Variants in GJC2 observed in about 807,000 individuals in gnomAD.
GJC2 encodes the protein gap junction gamma-2 protein.
For synonymous variants in GJC2, 336 were observed against 307.5 expected (o/e 1.09, Z -0.97); for missense variants, 647 against 648.9 (o/e 1.00, Z 0.03).
In GJC2 at chr1:228,151,430, G is replaced by A. The variant is rs1441826066; in HGVS notation, c.-20+1423G>A. Among the ~76,000 whole-genome samples the A allele has an allele frequency of 2.0e-5, 3 of 152,038 alleles. No individual in the cohort carries two copies. Among genetic ancestry groups the A allele is most frequent in the East Asian group, 1.9e-4 (1 of 5,186 alleles). ...GGGCAGGCACTTGGGGTCTTGGTGG[G>A]GGCACCTTGCTTTCCTGGGCCTGGT... On this transcript the variant is annotated intron_variant, in intron 1 of 1. Transcript: ENST00000366714. The surrounding 1 kb of genome is among the most constrained non-coding windows in gnomAD (Gnocchi z 5.4).
At position 228,157,750 on chromosome 1, in the gene GJC2, C is replaced by T; in HGVS notation, c.-9C>T. On this transcript the variant is annotated 5_prime_UTR_variant, in exon 2 of 2. Transcript: ENST00000366714. ...TACCCCGCCCCACAGGACCCGCCCGCCCGCCCCTATGACCAACATGAGCTG... is the reference window on the plus strand; with the variant it reads ...TACCCCGCCCCACAGGACCCGCCCGTCCGCCCCTATGACCAACATGAGCTG... 3 of 430,576 alleles carry T rather than the reference C, an allele frequency of 7.0e-6. No homozygotes were observed. The highest frequency in any genetic ancestry group is 1.4e-5 in the Non-Finnish European group (3 of 212,706). 26.7% of individuals were successfully genotyped at this position (430,576 alleles called of 1,614,324 possible).
rs929692402 is a variant in GJC2, at chr1:228,152,370, G to A, written c.-20+2363G>A. On this transcript the variant is annotated intron_variant, in intron 1 of 1. Transcript: ENST00000366714. The surrounding 1 kb of genome is among the most constrained non-coding windows in gnomAD (Gnocchi z 7.3). The stretch of plus-strand genomic sequence containing the variant: ...CCCTGTGCTACACCCAGCAGGGCGG[G>A]GCTCGTTCTGCAGTGCCTCAGGACC... 6.6e-6 allele frequency among the ~76,000 whole-genome samples: 1 copy of A among 152,116 alleles called. No homozygotes were observed. Among genetic ancestry groups the A allele is most frequent in the Admixed American group, 6.5e-5 (1 of 15,278 alleles).
In GJC2 at chr1:228,152,660, C is replaced by A. The variant is rs2034631654; in HGVS notation, c.-20+2653C>A. 6.6e-6 allele frequency among the ~76,000 whole-genome samples: 1 copy of A among 151,756 alleles called. No homozygotes were observed. Among genetic ancestry groups the A allele is most frequent in the African/African-American group, 2.4e-5 (1 of 41,304 alleles). On this transcript the variant is annotated intron_variant, in intron 1 of 1. Coordinates refer to ENST00000366714, the MANE Select transcript of GJC2 (RefSeq NM_020435.4). The surrounding 1 kb of genome is among the most constrained non-coding windows in gnomAD (Gnocchi z 7.3). The stretch of plus-strand genomic sequence containing the variant: ...AGCCCCCGATGCCACCAGGGCGAGA[C>A]CGCCCCCACTGTGAAGCCCCCTTTC...
rs141093786 is a variant in GJC2, at chr1:228,157,312, T to A, written c.-19-428T>A. Among the ~76,000 whole-genome samples the A allele has an allele frequency of 3.0e-3, 447 of 150,632 alleles. 6 individuals carry two copies. Among genetic ancestry groups the A allele is most frequent in the African/African-American group, 0.011 (437 of 40,836 alleles). ...GTGAAGGACTGAGGGCTGATGGGGC[T>A]GCAGGGGCTTGGGGGCTAGGGAGCT... On this transcript the variant is annotated intron_variant, in intron 1 of 1. Transcript: ENST00000366714.
Position 228,159,255 on chromosome 1 carries a change from T to G in GJC2, c.*177T>G. The G allele has an allele frequency of 1.4e-6, 1 of 717,676 alleles. No homozygotes were observed. The highest frequency in any genetic ancestry group is 2.3e-6 in the Non-Finnish European group (1 of 432,598). 44.5% of individuals were successfully genotyped at this position (717,676 alleles called of 1,614,324 possible). A position where few individuals can be genotyped will look rare whatever the true frequency, so the allele number is the denominator to read the frequency against. On this transcript the variant is annotated 3_prime_UTR_variant, in exon 2 of 2. Transcript: ENST00000366714. The surrounding 1 kb of genome is among the most constrained non-coding windows in gnomAD (Gnocchi z 4.0). ...AAAGCGGCAGAGGAGTGCCCTGGCT[T>G]GGTCACCACTGGGGCCAAGGTGGGG...
At chr1:228,157,636 G>A in intron 1 of GJC2, 104 bp from the exon 2 acceptor site, 1 of 658,348 alleles carries the variant, frequency 1.5e-6, no homozygotes. Flanking sequence ...CATTGACTGT[G>A]TAAGCAGAGA....
Position 228,159,118 on chromosome 1 carries a change from TG to T in GJC2, c.*46del, listed in dbSNP as rs1245933292. 6.2e-7 allele frequency: 1 copy of T among 1,603,372 alleles called. No individual in the cohort carries two copies. Among genetic ancestry groups the T allele is most frequent in the Admixed American group, 1.7e-5 (1 of 59,734 alleles). ...GAGCTGGGCCAGGGAGGAGGAGGGT[TG>T]GGGGGCTCCGGTGGAAACCTGCGAC... On this transcript the variant is annotated 3_prime_UTR_variant, in exon 2 of 2. Transcript: ENST00000366714. The surrounding 1 kb of genome is among the most constrained non-coding windows in gnomAD (Gnocchi z 4.0).
intron 1 of GJC2, among the ~76,000 whole-genome samples, chr1:228,157,230 G>A (rs781386813): frequency 1.3e-5 from 2 of 152,034 alleles, no homozygotes; most frequent in Non-Finnish European, 2.9e-5. Context: ...TATGGGGATT[G>A]TGGACTGGTG....
At position 228,152,872 on chromosome 1, in the gene GJC2, A is replaced by AC. The variant is rs1049537572; in HGVS notation, c.-20+2871dup. Among the ~76,000 whole-genome samples, 2 of 151,184 alleles carry AC rather than the reference A, an allele frequency of 1.3e-5. No individual in the cohort carries two copies. Among genetic ancestry groups the AC allele is most frequent in the Non-Finnish European group, 3.0e-5 (2 of 67,762 alleles). ...TCCTGGCTGGTGGCCTCCTGTGGTC[A>AC]CCCCCCTACCTCGCCCTGACACCTT... On this transcript the variant is annotated intron_variant, in intron 1 of 1. Coordinates refer to ENST00000366714, the MANE Select transcript of GJC2 (RefSeq NM_020435.4). This position sits in a 1 kb window ranked among gnomAD's most constrained non-coding sequence, Gnocchi z 7.3.
intron 1 of GJC2, among the ~76,000 whole-genome samples, chr1:228,154,698 CTA>C (rs2034659635): frequency 6.6e-6 from 1 of 152,250 alleles, no homozygotes; most frequent in South Asian, 2.1e-4. Context: ...GGCTTCTAAT[CTA>C]TGTCAGTCTG....
Position 228,158,951 on chromosome 1 carries a change from C to T in GJC2, c.1193C>T (p.Thr398Ile), listed in dbSNP as rs140942230. The change falls in exon 2 of 2, where the codon ACC becomes ATC. Residue 398 changes from threonine (T) to isoleucine (I), a missense_variant. Coordinates refer to ENST00000366714, the MANE Select transcript of GJC2 (RefSeq NM_020435.4). The surrounding 1 kb of genome is among the most constrained non-coding windows in gnomAD (Gnocchi z 8.3). The part of the protein sequence containing the change: ...GAPASRTGSA[T>I]SAGTVGEQGR... ...CCCGCGTCCCGGACGGGCAGTGCTA[C>T]CTCTGCGGGCACTGTCGGGGAGCAG... is the stretch of plus-strand genomic sequence containing the variant. 2,688 of 1,573,830 alleles carry T rather than the reference C, an allele frequency of 1.7e-3. 5 individuals are homozygous for T. The highest frequency in any genetic ancestry group is 2.0e-3 in the Non-Finnish European group (2,285 of 1,162,330).
In GJC2 at chr1:228,157,929, C is replaced by T. The variant is rs2034707096; in HGVS notation, c.171C>T (p.Asn57=). The T allele has an allele frequency of 6.2e-7, 1 of 1,612,800 alleles. No homozygotes were observed. ...ACGAGCAGGCCAAGTTCACTTGCAA[C>T]ACGCGGCAGCCAGGCTGCGACAACG... ...YSDEQAKFTC[N]TRQPGCDNVC... Residue 57 remains asparagine (N), a synonymous_variant, in exon 2 of 2, where the codon AAC becomes AAT. Transcript: ENST00000366714.
rs921433932 is a variant in GJC2, at chr1:228,150,656, G to A, written c.-20+649G>A. On this transcript the variant is annotated intron_variant, in intron 1 of 1. Transcript: ENST00000366714. This position sits in a 1 kb window ranked among gnomAD's most constrained non-coding sequence, Gnocchi z 4.6. ...GCCCTCAGTGCAAGGAAGGGGCGGC[G>A]TGGCTGAGGAGGGGGAGGCCCACAC... Among the ~76,000 whole-genome samples, 2 of 151,976 alleles carry A rather than the reference G, an allele frequency of 1.3e-5. No homozygotes were observed. The highest frequency in any genetic ancestry group is 2.9e-5 in the Non-Finnish European group (2 of 67,980).
intron 1 of GJC2, among the ~76,000 whole-genome samples, chr1:228,157,276 C>A (rs572366103): frequency 6.6e-6 from 1 of 151,382 alleles, no homozygotes; most frequent in South Asian, 2.1e-4. Flanking sequence ...GTGGTGCAGG[C>A]ACGGGGGGCT....
At chr1:228,154,650 C>G (rs1490713648) in intron 1 of GJC2, among the ~76,000 whole-genome samples, 1 of 152,250 alleles carries the variant, frequency 6.6e-6, no homozygotes, top group Non-Finnish European at 1.5e-5. Flanking sequence ...GAGCTGTCTC[C>G]TGTCCCCCAT....
chr1:228,157,523 G>GAAGTCCAGAGT (rs2124965731), intron 1 of GJC2, among the ~76,000 whole-genome samples: 1 of 152,292 alleles, frequency 6.6e-6, no homozygotes, highest in South Asian at 2.1e-4. Context: ...GTCCCCATCT[G>GAAGTCCAGAGT]CCTCATGAAG....
intron 1 of GJC2, 122 bp from the exon 2 acceptor site, chr1:228,157,618 C>T: frequency 1.6e-6 from 1 of 626,972 alleles, no homozygotes; most frequent in South Asian, 2.0e-5. Context: ...AGGCGGTAAG[C>T]TCCACGTCAT....
chr1:228,159,080 G>T lies in GJC2; in HGVS notation c.*2G>T. On this transcript the variant is annotated 3_prime_UTR_variant, in exon 2 of 2. Transcript: ENST00000366714. The surrounding 1 kb of genome is among the most constrained non-coding windows in gnomAD (Gnocchi z 4.0). ...GGGAAGACCACCGTGTGGATCTGAG[G>T]GCGCTGGCTTGCGAGCTGGGCCAGG... 6.2e-7 allele frequency: 1 copy of T among 1,609,310 alleles called. No individual in the cohort carries two copies. Among genetic ancestry groups the T allele is most frequent in the Non-Finnish European group, 8.5e-7 (1 of 1,179,132 alleles).
At position 228,152,803 on chromosome 1, in the gene GJC2, A is replaced by T. The variant is rs573255929; in HGVS notation, c.-20+2796A>T. Among the ~76,000 whole-genome samples, 1 of 151,932 alleles carries T rather than the reference A, an allele frequency of 6.6e-6. No individual in the cohort carries two copies. The highest frequency in any genetic ancestry group is 2.0e-4 in the East Asian group (1 of 5,116). On this transcript the variant is annotated intron_variant, in intron 1 of 1. Coordinates refer to ENST00000366714, the MANE Select transcript of GJC2 (RefSeq NM_020435.4). This position sits in a 1 kb window ranked among gnomAD's most constrained non-coding sequence, Gnocchi z 7.3. The stretch of plus-strand genomic sequence containing the variant: ...CCTCTACTTCCCACAGCCTTCCCTG[A>T]GGCTGACCCTGCCTCACCACTCCCA...
Sources: gnomAD v4.1 joint callset for allele counts (sites outside exome capture counted in the v4.1 genomes callset) on GRCh38, gnomAD v4.1.1 for gene constraint, Gnocchi (gnomAD v3.1) non-coding constraint, MANE v1.5 for transcripts, NCBI Gene and HGNC (gene_info 2026-07-23, HGNC 2026-07-21) for gene names.